The following TMEM17 variants were observed in gnomAD, a reference collection of about 807,000 sequenced individuals.
TMEM17 encodes the protein transmembrane protein 17.
In TMEM17, 15 loss-of-function variants were observed where a neutral mutation model predicts 19.1. That is an observed-to-expected ratio of 0.78 (90% CI 0.52 to 1.21). The LOEUF (loss-of-function observed/expected upper bound fraction) is 1.21, where lower values mean the gene tolerates loss of function less well. TMEM17 is among the 50% of genes most tolerant of loss of function. The pLI is 0.00. For synonymous variants in TMEM17, 103 were observed against 86.9 expected, an observed-to-expected ratio of 1.19 and a Z score of -1.03; for missense variants, 245 against 242.3, an observed-to-expected ratio of 1.01 and a Z score of -0.07.
rs1021623930 is a variant in TMEM17 at position 62,501,472 on chromosome 2, C to G, written c.334G>C (p.Gly112Arg). 130 of 1,612,034 alleles carry G rather than the reference C, an allele frequency of 8.1e-5. No individual in the cohort carries two copies. The highest frequency in any genetic ancestry group is 1.1e-4 in the Non-Finnish European group (124 of 1,179,140). The change falls in exon 4 of 4, where the codon GGC (glycine) becomes CGC (arginine). Residue 112 changes from glycine (G) to arginine (R), a missense_variant. By Grantham distance (125) the Gly-to-Arg change is moderately radical. Transcript: ENST00000335390. ...AATAGAAGGCTCAAAAGCCAAAAGC[C>G]AGCCAACTCAGGAACCTGCAATGAC... ...NLQEKVPELA[G>R]FWLLSLLLQL...
At chr2:62,475,449 T>C in the TMEM17 span, among the ~76,000 whole-genome samples, 1 of 152,240 alleles carries the variant, frequency 6.6e-6, no homozygotes, top group African/African-American at 2.4e-5. Context: ...CCCCTGGCCT[T>C]GCTTCAACAA....
chr2:62,501,545 C>A, intron 3 of TMEM17, 58 bp from the exon 4 acceptor site: 1 of 1,511,518 alleles, frequency 6.6e-7, no homozygotes, highest in South Asian at 1.3e-5. Context: ...TCTGTTTATA[C>A]AGATAAACAA....
rs779792256 is a variant in TMEM17, at chr2:62,506,155, C to A, written c.-26G>T. On this transcript the variant is annotated 5_prime_UTR_variant, in exon 1 of 4. Transcript: ENST00000335390. ...GCCTGGGCCTCAGTATCCCTCACCC[C>A]CTCAGACACGGGCTAGTCTGCGGGC... 3.2e-6 allele frequency: 5 copies of A among 1,581,070 alleles called. 1 individual carries two copies. In the Admixed American group the frequency reaches 5.3e-5, roughly 17 times the overall value.
the TMEM17 span, among the ~76,000 whole-genome samples, chr2:62,465,886 C>T: frequency 3.3e-5 from 5 of 152,090 alleles, no homozygotes; most frequent in Non-Finnish European, 5.9e-5. Flanking sequence ...GTTGACCAGA[C>T]AGGCAAAAGC....
At chr2:62,467,392 G>A in the TMEM17 span, among the ~76,000 whole-genome samples, 7,321 of 152,220 alleles carry the variant, frequency 0.048, 576 homozygotes, top group African/African-American at 0.17. Context: ...ACTTGCGAAA[G>A]TCCCACAAAA....
At position 62,506,189 on chromosome 2, in the gene TMEM17, G is replaced by C. The variant is rs1680075174; in HGVS notation, c.-60C>G. On this transcript the variant is annotated 5_prime_UTR_variant, in exon 1 of 4. Coordinates refer to ENST00000335390, the MANE Select transcript of TMEM17 (RefSeq NM_198276.3). ...CGGGCTAGTCTGCGGGCGCTCCGAG[G>C]CTCCGTGGTTCCCACGGCAACCGGG... 1 of 1,461,084 alleles carries C rather than the reference G, an allele frequency of 6.8e-7. No homozygotes were observed. The highest frequency in any genetic ancestry group is 1.5e-5 in the African/African-American group (1 of 68,090). 90.5% of individuals were successfully genotyped at this position (1,461,084 alleles called of 1,614,324 possible).
chr2:62,493,516 TA>T, the TMEM17 span, among the ~76,000 whole-genome samples: 4 of 152,190 alleles, frequency 2.6e-5, no homozygotes, highest in Non-Finnish European at 5.9e-5. Context: ...AATATGTGCT[TA>T]TCGTCTCCTA....
At chr2:62,453,875 T>C in the TMEM17 span, among the ~76,000 whole-genome samples, 3 of 152,224 alleles carry the variant, frequency 2.0e-5, no homozygotes, top group Non-Finnish European at 4.4e-5. Context: ...AATAGATACT[T>C]GCCTGTGCTT....
At chr2:62,476,789 C>T in the TMEM17 span, among the ~76,000 whole-genome samples, 2 of 152,168 alleles carry the variant, frequency 1.3e-5, no homozygotes, top group Non-Finnish European at 2.9e-5. Context: ...ATGTTAAAGA[C>T]TGAAATTCCT....
In TMEM17 at chr2:62,506,141, A is replaced by C. The variant is rs772495873; in HGVS notation, c.-12T>G. On this transcript the variant is annotated 5_prime_UTR_variant, in exon 1 of 4. Coordinates refer to ENST00000335390, the MANE Select transcript of TMEM17 (RefSeq NM_198276.3). ...TCCGGCAGCTCCATGCCTGGGCCTC[A>C]GTATCCCTCACCCCCTCAGACACGG... is the stretch of plus-strand genomic sequence containing the variant. 3.7e-6 allele frequency: 6 copies of C among 1,600,292 alleles called. No homozygotes were observed. Among genetic ancestry groups the C allele is most frequent in the Non-Finnish European group, 4.3e-6 (5 of 1,173,806 alleles).
chr2:62,475,646 T>C, the TMEM17 span, among the ~76,000 whole-genome samples: 1 of 152,170 alleles, frequency 6.6e-6, no homozygotes, highest in Non-Finnish European at 1.5e-5. Flanking sequence ...AGCCTGTCAA[T>C]TGTAAAGAGG....
intron 3 of TMEM17, 68 bp downstream of exon 3, chr2:62,502,369 C>A: frequency 1.8e-6 from 2 of 1,102,520 alleles, no homozygotes; most frequent in South Asian, 1.4e-5. Context: ...CACCTCACTG[C>A]CTTTTACTTG....
chr2:62,497,489 C>A (rs1160963827), downstream of TMEM17, among the ~76,000 whole-genome samples: 1 of 152,102 alleles, frequency 6.6e-6, no homozygotes, highest in Non-Finnish European at 1.5e-5. Context: ...ACAGAACTCA[C>A]AGTCACTATT....
At chr2:62,454,171 C>T in the TMEM17 span, among the ~76,000 whole-genome samples, 2 of 152,210 alleles carry the variant, frequency 1.3e-5, no homozygotes, top group African/African-American at 4.8e-5. Context: ...ATCTTAACCT[C>T]CCTGGAGAGC....
chr2:62,503,758 T>G (rs1396980167), intron 1 of TMEM17, among the ~76,000 whole-genome samples: 2 of 152,242 alleles, frequency 1.3e-5, no homozygotes, highest in East Asian at 3.8e-4. Flanking sequence ...GAGACCCTCA[T>G]AGAATCTAGC....
the TMEM17 span, among the ~76,000 whole-genome samples, chr2:62,489,235 T>C: frequency 1.3e-5 from 2 of 152,352 alleles, no homozygotes; most frequent in South Asian, 4.1e-4. Flanking sequence ...AATGTTTTCG[T>C]TGGAGAGTCT....
At chr2:62,484,942 AT>A in the TMEM17 span, among the ~76,000 whole-genome samples, 11 of 152,030 alleles carry the variant, frequency 7.2e-5, no homozygotes, top group African/African-American at 2.7e-4. Context: ...CTAATTCATA[AT>A]TTTTTTGTTT....
At chr2:62,477,422 G>T in the TMEM17 span, among the ~76,000 whole-genome samples, 2 of 151,824 alleles carry the variant, frequency 1.3e-5, no homozygotes, top group South Asian at 2.1e-4. Flanking sequence ...ATCTCTCAGG[G>T]TTGTCTATCT....
chr2:62,477,989 C>T, the TMEM17 span, among the ~76,000 whole-genome samples: 1 of 152,216 alleles, frequency 6.6e-6, no homozygotes, highest in Admixed American at 6.5e-5. Context: ...CTACAGCTCC[C>T]CAGTAGTCCC....
Sources: allele counts gnomAD v4.1 joint callset (sites outside exome capture counted in the v4.1 genomes callset), GRCh38; gene constraint gnomAD v4.1.1; transcripts MANE v1.5; gene names NCBI Gene and HGNC (gene_info 2026-07-23, HGNC 2026-07-21).